The following ZFHX3 variants were observed in gnomAD, a reference collection of about 807,000 sequenced individuals.
ZFHX3 encodes zinc finger homeobox 3.
In ZFHX3, 42 loss-of-function variants were observed where a neutral mutation model predicts 279.1. The observed-to-expected ratio is 0.15, with a 90% CI of 0.12 to 0.19. The LOEUF (loss-of-function observed/expected upper bound fraction) is 0.19. Ranked by LOEUF, ZFHX3 falls within the 10% of genes least tolerant of loss-of-function variation. The pLI, the probability that ZFHX3 is intolerant of heterozygous loss-of-function variation, is 1.00. For synonymous variants in ZFHX3, 2,293 were observed against 1,957.8 expected (o/e 1.17, Z -4.52); for missense variants, 4,981 against 4,754.0 (o/e 1.05, Z -1.40).
chr16:72,968,044 T>C (rs1597032065), intron 1 of ZFHX3, among the ~76,000 whole-genome samples: 1 of 150,150 alleles, frequency 6.7e-6, no homozygotes, highest in South Asian at 2.1e-4. Context: ...AACTTCACTG[T>C]GGAGAACCTG....
chr16:73,823,867 C>A (rs1220413228), intron 1 of ZFHX3, among the ~76,000 whole-genome samples: 26 of 152,198 alleles, frequency 1.7e-4, no homozygotes, highest in Admixed American at 1.7e-3. Context: ...TCAGCGGACG[C>A]TCTGATGGCA....
chr16:72,957,172 ACACT>A (rs1296121126), intron 2 of ZFHX3, among the ~76,000 whole-genome samples: 4 of 152,368 alleles, frequency 2.6e-5, no homozygotes, highest in East Asian at 1.9e-4. Flanking sequence ...ACTAGAGGAA[ACACT>A]CACATTTTAA....
intron 2 of ZFHX3, among the ~76,000 whole-genome samples, chr16:73,560,256 A>G (rs1344888521): frequency 1.5e-5 from 2 of 134,620 alleles, no homozygotes; most frequent in African/African-American, 2.9e-5. Flanking sequence ...TGCTAAGTAA[A>G]TATCACACTA....
At chr16:73,382,377 C>T (rs1460112447) in intron 3 of ZFHX3, among the ~76,000 whole-genome samples, 1 of 152,142 alleles carries the variant, frequency 6.6e-6, no homozygotes, top group African/African-American at 2.4e-5. Flanking sequence ...TGACTTATAT[C>T]TCTAATCTAC....
intron 1 of ZFHX3, among the ~76,000 whole-genome samples, chr16:73,743,092 T>C (rs916535951): frequency 2.0e-5 from 3 of 152,216 alleles, no homozygotes; most frequent in Non-Finnish European, 4.4e-5. Context: ...TGTGTAATTT[T>C]CATTTACTGA....
chr16:73,363,289 T>C (rs1392063040), intron 3 of ZFHX3, among the ~76,000 whole-genome samples: 1 of 152,222 alleles, frequency 6.6e-6, no homozygotes, highest in Non-Finnish European at 1.5e-5. Flanking sequence ...ATGATTGTTG[T>C]TTCAAAATAG....
At chr16:72,956,401 T>G (rs1961251475) in intron 2 of ZFHX3, among the ~76,000 whole-genome samples, 1 of 152,210 alleles carries the variant, frequency 6.6e-6, no homozygotes, top group African/African-American at 2.4e-5. Flanking sequence ...GGATCCTGTT[T>G]GAAGCATACC....
chr16:73,780,479 G>A (rs1238977432), intron 1 of ZFHX3, among the ~76,000 whole-genome samples: 6 of 149,264 alleles, frequency 4.0e-5, no homozygotes, highest in East Asian at 2.0e-4. Context: ...GTCTCACTCT[G>A]CCACCCAGGC....
chr16:73,575,627 G>A (rs1477717071), intron 2 of ZFHX3, among the ~76,000 whole-genome samples: 2 of 152,152 alleles, frequency 1.3e-5, no homozygotes, highest in Non-Finnish European at 2.9e-5. Context: ...CATTCACACG[G>A]AAGGATTTTC....
At chr16:72,824,183 G>A (rs1205462896) in intron 5 of ZFHX3, among the ~76,000 whole-genome samples, 1 of 152,138 alleles carries the variant, frequency 6.6e-6, no homozygotes, top group African/African-American at 2.4e-5. Context: ...TGCAGCAGGA[G>A]CCATACGCTA....
At chr16:73,084,193 A>T (rs1965981546) in intron 8 of ZFHX3, among the ~76,000 whole-genome samples, 1 of 152,236 alleles carries the variant, frequency 6.6e-6, no homozygotes, top group Non-Finnish European at 1.5e-5. Flanking sequence ...CAAGAAAAGA[A>T]TGCACACTTT....
intron 1 of ZFHX3, among the ~76,000 whole-genome samples, chr16:73,749,892 T>C (rs1395815443): frequency 6.6e-6 from 1 of 152,198 alleles, no homozygotes; most frequent in Non-Finnish European, 1.5e-5. Flanking sequence ...TCAAAGAACA[T>C]TATGATGTAC....
At chr16:73,101,960 C>T (rs150658409) in intron 7 of ZFHX3, among the ~76,000 whole-genome samples, 1 of 145,306 alleles carries the variant, frequency 6.9e-6, no homozygotes, top group Non-Finnish European at 1.5e-5. Flanking sequence ...GTCACCCAGG[C>T]TGGCGTGCAC....
At chr16:73,748,267 C>CATG (rs2053721869) in intron 1 of ZFHX3, among the ~76,000 whole-genome samples, 2 of 152,132 alleles carry the variant, frequency 1.3e-5, no homozygotes, top group African/African-American at 4.8e-5. Context: ...AACCCAAAAA[C>CATG]TAACTACATG....
chr16:72,995,760 C>T (rs1433740712), intron 1 of ZFHX3, among the ~76,000 whole-genome samples: 1 of 152,164 alleles, frequency 6.6e-6, no homozygotes, highest in East Asian at 1.9e-4. Flanking sequence ...AGGGCCTCAG[C>T]GTTTCACCAT....
chr16:73,627,696 A>C (rs1017598872), intron 2 of ZFHX3, among the ~76,000 whole-genome samples: 4 of 152,210 alleles, frequency 2.6e-5, no homozygotes, highest in Non-Finnish European at 5.9e-5. Context: ...AGGCAGGTGG[A>C]TCACGAGGTC....
At chr16:72,998,898 C>G (rs1224265632) in intron 1 of ZFHX3, among the ~76,000 whole-genome samples, 1 of 152,176 alleles carries the variant, frequency 6.6e-6, no homozygotes, top group Non-Finnish European at 1.5e-5. Context: ...TGGGGCTTGT[C>G]CACCATTAAA....
intron 2 of ZFHX3, among the ~76,000 whole-genome samples, chr16:73,488,355 C>G (rs796726748): frequency 6.6e-6 from 1 of 152,056 alleles, no homozygotes; most frequent in Non-Finnish European, 1.5e-5. Flanking sequence ...GCAACATGGA[C>G]CTGCACGGGG....
intron 4 of ZFHX3, among the ~76,000 whole-genome samples, chr16:73,289,150 G>C (rs1414552397): frequency 6.6e-6 from 1 of 151,524 alleles, no homozygotes; most frequent in Admixed American, 6.6e-5. Flanking sequence ...TCCTCCAATC[G>C]CTGGCCTGTT....
Sources: allele counts gnomAD v4.1 joint callset (sites outside exome capture counted in the v4.1 genomes callset), GRCh38; gene constraint gnomAD v4.1.1; transcripts MANE v1.5; gene names NCBI Gene and HGNC (gene_info 2026-07-23, HGNC 2026-07-21).